Variants in TMEM240 observed in about 807,000 individuals in gnomAD.
TMEM240 encodes the protein transmembrane protein 240, also known as transmembrane protein C1orf70.
In TMEM240, 3 loss-of-function variants were observed where a neutral mutation model predicts 19.5. The observed-to-expected ratio is 0.15, with a 90% confidence interval of 0.07 to 0.40. The LOEUF (loss-of-function observed/expected upper bound fraction) is 0.40, where lower values mean the gene tolerates loss of function less well. Ranked by LOEUF, TMEM240 falls within the 10% of genes least tolerant of loss-of-function variation. The pLI is 1.00. For missense variants in TMEM240, 210 were observed against 253.5 expected, an observed-to-expected ratio of 0.83 and a Z score of 1.17; for synonymous variants, 123 against 109.3, an observed-to-expected ratio of 1.13 and a Z score of -0.78.
chr1:1,540,360 G>A lies in TMEM240; in HGVS notation c.-14C>T. 8.4e-7 allele frequency: 1 copy of A among 1,195,246 alleles called. No individual in the cohort carries two copies. Among genetic ancestry groups the A allele is most frequent in the Non-Finnish European group, 1.0e-6 (1 of 958,244 alleles). The allele number at this position is 1,195,246 out of a possible 1,614,324, so 74.0% of individuals were successfully genotyped here. On this transcript the variant is annotated 5_prime_UTR_variant, in exon 1 of 4. Coordinates refer to ENST00000378733, the MANE Select transcript of TMEM240 (RefSeq NM_001114748.2). ...GCTCATGGACATCGGGCGGGGCCGG[G>A]CCGGGCCGGAGCGCCGCCCCCCGGC...
chr1:1,539,532 C>G, intron 2 of TMEM240, 152 bp downstream of exon 2: 1 of 677,456 alleles, frequency 1.5e-6, no homozygotes, highest in East Asian at 2.8e-5. Flanking sequence ...CCCCGCCCAC[C>G]TTGAGACAGC....
chr1:1,534,906 C>T lies in TMEM240; in HGVS notation c.*453G>A, dbSNP rs897065782. 2.8e-5 allele frequency among the ~76,000 whole-genome samples: 4 copies of T among 142,678 alleles called. No homozygotes were observed. The highest frequency in any genetic ancestry group is 2.1e-4 in the South Asian group (1 of 4,674). 93.6% of individuals were successfully genotyped at this position (142,678 alleles called of 152,430 possible). On this transcript the variant is annotated 3_prime_UTR_variant, in exon 4 of 4. Transcript: ENST00000378733. Reference sequence around the variant, plus strand: ...GCACCCCACCCTGTGGCTGTGCACACGCGGGTGCTCCCCTCGCCCCCCTCC... The same window carrying T: ...GCACCCCACCCTGTGGCTGTGCACATGCGGGTGCTCCCCTCGCCCCCCTCC...
Position 1,535,200 on chromosome 1 carries a change from G to A in TMEM240, c.*159C>T. On this transcript the variant is annotated 3_prime_UTR_variant, in exon 4 of 4. Transcript: ENST00000378733. This position sits in a 1 kb window ranked among gnomAD's most constrained non-coding sequence, Gnocchi z 8.2. ...CCCAACCCCCTTTATAAAAAGAAGA[G>A]ACAGCACCTTCCACTGGACTCTCCC... 3.0e-6 allele frequency: 2 copies of A among 658,274 alleles called. No individual in the cohort carries two copies. The highest frequency in any genetic ancestry group is 4.8e-6 in the Non-Finnish European group (2 of 415,610). 40.8% of individuals were successfully genotyped at this position (658,274 alleles called of 1,614,324 possible). A position where few individuals can be genotyped will look rare whatever the true frequency, so the allele number is the denominator to read the frequency against.
rs2100696384 is a variant in TMEM240 at position 1,536,363 on chromosome 1, T to C, written c.165-566A>G. Among the ~76,000 whole-genome samples the C allele has an allele frequency of 6.6e-6, 1 of 152,266 alleles. No homozygotes were observed. The highest frequency in any genetic ancestry group is 2.1e-4 in the South Asian group (1 of 4,830). ...GCCCCTGGTGTTTCTTCTGCTCCTC[T>C]ATCCCTGGGAGGTGCTGTCGGAGGC... On this transcript the variant is annotated intron_variant, in intron 2 of 3. Coordinates refer to ENST00000378733, the MANE Select transcript of TMEM240 (RefSeq NM_001114748.2). The surrounding 1 kb of genome is among the most constrained non-coding windows in gnomAD (Gnocchi z 5.4).
At chr1:1,539,633 G>A (rs1642270568) in intron 2 of TMEM240, 51 bp downstream of exon 2, 4 of 1,494,324 alleles carry the variant, frequency 2.7e-6, no homozygotes, top group Admixed American at 3.9e-5. Flanking sequence ...AGTGGGCCCC[G>A]CCACACATGT....
At position 1,535,773 on chromosome 1, in the gene TMEM240, C is replaced by T. The variant is rs538112144; in HGVS notation, c.189G>A (p.Pro63=). Residue 63 remains proline (P), a synonymous_variant, in exon 3 of 4, where the codon CCG becomes CCA. Coordinates refer to ENST00000378733, the MANE Select transcript of TMEM240 (RefSeq NM_001114748.2). This position sits in a 1 kb window ranked among gnomAD's most constrained non-coding sequence, Gnocchi z 8.2. The stretch of plus-strand genomic sequence containing the variant: ...CCACCACCGACTGGTCCCCGTCGTA[C>T]GGGATCACGTAGTGGATATGGTGCC... The part of the protein sequence containing the change: ...CGRHHIHYVI[P]YDGDQSVVDA... 28 of 1,550,068 alleles carry T rather than the reference C, an allele frequency of 1.8e-5. No homozygotes were observed. Among genetic ancestry groups the T allele is most frequent in the Middle Eastern group, 1.7e-4 (1 of 5,990 alleles).
chr1:1,540,173 C>A, intron 1 of TMEM240, 117 bp downstream of exon 1: 1 of 418,980 alleles, frequency 2.4e-6, no homozygotes, highest in East Asian at 5.1e-5. Context: ...GGGAGGGGAG[C>A]GCAGGCCGGG....
In TMEM240 at chr1:1,540,383, G is replaced by A; in HGVS notation, c.-37C>T. On this transcript the variant is annotated 5_prime_UTR_variant, in exon 1 of 4. Transcript: ENST00000378733. ...GGGCCGGGCCGGAGCGCCGCCCCCCGGCCCCGGCGCCCCCCCGGCCCCGGC... is the reference window on the plus strand; with the variant it reads ...GGGCCGGGCCGGAGCGCCGCCCCCCAGCCCCGGCGCCCCCCCGGCCCCGGC... The A allele has an allele frequency of 1.9e-6, 2 of 1,053,142 alleles. No homozygotes were observed. Among genetic ancestry groups the A allele is most frequent in the Non-Finnish European group, 2.4e-6 (2 of 848,676 alleles). 65.2% of individuals were successfully genotyped at this position (1,053,142 alleles called of 1,614,324 possible).
At position 1,536,732 on chromosome 1, in the gene TMEM240, C is replaced by A. The variant is rs998836253; in HGVS notation, c.165-935G>T. On this transcript the variant is annotated intron_variant, in intron 2 of 3. Transcript: ENST00000378733. This position sits in a 1 kb window ranked among gnomAD's most constrained non-coding sequence, Gnocchi z 5.4. ...CATCCCAGACAGTCAACTCTGGGATCCCTAGTCCAACAGGAGGGCCTGGGA... is the reference window on the plus strand; with the variant it reads ...CATCCCAGACAGTCAACTCTGGGATACCTAGTCCAACAGGAGGGCCTGGGA... 6.6e-6 allele frequency among the ~76,000 whole-genome samples: 1 copy of A among 152,126 alleles called. No homozygotes were observed. Among genetic ancestry groups the A allele is most frequent in the African/African-American group, 2.4e-5 (1 of 41,440 alleles).
Position 1,535,834 on chromosome 1 carries a change from A to AC in TMEM240, c.165-38dup. The AC allele has an allele frequency of 2.1e-6, 3 of 1,458,252 alleles. No individual in the cohort carries two copies. The highest frequency in any genetic ancestry group is 2.8e-6 in the Non-Finnish European group (3 of 1,086,356). The allele number at this position is 1,458,252 out of a possible 1,614,324, so 90.3% of individuals were successfully genotyped here. ...AGGGCGGGCTGGCACCTCTCCCGCC[A>AC]CCCCCGGCCTGGCCTTCCCCCGGGG... On this transcript the variant is annotated intron_variant, in intron 2 of 3. Transcript: ENST00000378733. This position sits in a 1 kb window ranked among gnomAD's most constrained non-coding sequence, Gnocchi z 8.2.
In TMEM240 at chr1:1,536,828, C is replaced by CAGCT. The variant is rs1642230982; in HGVS notation, c.165-1035_165-1032dup. Reference sequence around the variant, plus strand: ...TGCCTCCCACATCTCCGCCGAGCTCCAGCTGCCTGTGTCTCCACGTGGGAT... The same window carrying CAGCT: ...TGCCTCCCACATCTCCGCCGAGCTCCAGCTAGCTGCCTGTGTCTCCACGTGGGAT... On this transcript the variant is annotated intron_variant, in intron 2 of 3. Coordinates refer to ENST00000378733, the MANE Select transcript of TMEM240 (RefSeq NM_001114748.2). This position sits in a 1 kb window ranked among gnomAD's most constrained non-coding sequence, Gnocchi z 5.4. 6.6e-6 allele frequency among the ~76,000 whole-genome samples: 1 copy of CAGCT among 152,166 alleles called. No homozygotes were observed.
intron 2 of TMEM240, among the ~76,000 whole-genome samples, chr1:1,537,117 C>G (rs967847550): frequency 2.6e-5 from 4 of 152,050 alleles, no homozygotes; most frequent in Admixed American, 2.0e-4. Flanking sequence ...TCAGTGAGAT[C>G]TGGGGGGTCC....
chr1:1,535,666 CA>C lies in TMEM240; in HGVS notation c.295del (p.Cys99AlafsTer60). The C allele has an allele frequency of 6.5e-7, 1 of 1,550,184 alleles. No individual in the cohort carries two copies. Among genetic ancestry groups the C allele is most frequent in the Non-Finnish European group, 8.7e-7 (1 of 1,146,670 alleles). Reference sequence around the variant, plus strand: ...CATCCACACCAGGAACCAGCTGATGCAAAAGCCCAGCAGCAGCCCCAGCATG... The same window carrying C: ...CATCCACACCAGGAACCAGCTGATGCAAAGCCCAGCAGCAGCCCCAGCATG... ...DLMLGLLLGF[C>X]ISWFLVWMDG... On this transcript the variant is annotated frameshift_variant, in exon 3 of 4. Coordinates refer to ENST00000378733, the MANE Select transcript of TMEM240 (RefSeq NM_001114748.2). LOFTEE classifies it high-confidence loss of function. This position sits in a 1 kb window ranked among gnomAD's most constrained non-coding sequence, Gnocchi z 8.2.
chr1:1,538,720 C>A (rs2100698295), intron 2 of TMEM240, among the ~76,000 whole-genome samples: 1 of 152,378 alleles, frequency 6.6e-6, no homozygotes, highest in East Asian at 1.9e-4. Context: ...CATCGACACG[C>A]CTGCTGCACC....
At chr1:1,537,874 G>T (rs1642247162) in intron 2 of TMEM240, among the ~76,000 whole-genome samples, 1 of 152,200 alleles carries the variant, frequency 6.6e-6, no homozygotes, top group Admixed American at 6.5e-5. Flanking sequence ...TGCATGGACG[G>T]ATGTCTAGTT....
At chr1:1,537,986 C>T (rs1046237528) in intron 2 of TMEM240, among the ~76,000 whole-genome samples, 2 of 152,204 alleles carry the variant, frequency 1.3e-5, no homozygotes, top group African/African-American at 4.8e-5. Context: ...CATGTACACA[C>T]ACTCGTTCTG....
rs547875700 is a variant in TMEM240 at position 1,536,545 on chromosome 1, G to A, written c.165-748C>T. Reference sequence around the variant, plus strand: ...GTGCCTGCGCGCCTCCATGTCCCTCGGCCTCCCCTCCCCGGGCTCTTGGGG... The same window carrying A: ...GTGCCTGCGCGCCTCCATGTCCCTCAGCCTCCCCTCCCCGGGCTCTTGGGG... On this transcript the variant is annotated intron_variant, in intron 2 of 3. Transcript: ENST00000378733. This position sits in a 1 kb window ranked among gnomAD's most constrained non-coding sequence, Gnocchi z 5.4. Among the ~76,000 whole-genome samples the A allele has an allele frequency of 1.1e-4, 16 of 152,246 alleles. No homozygotes were observed. The highest frequency in any genetic ancestry group is 3.4e-4 in the African/African-American group (14 of 41,548).
At chr1:1,539,363 C>G (rs1426512457) in intron 2 of TMEM240, 1 of 372,484 alleles carries the variant, frequency 2.7e-6, no homozygotes. Flanking sequence ...GCTTCCTGCC[C>G]CAGCCCTGAT....
chr1:1,540,363 G>A lies in TMEM240; in HGVS notation c.-17C>T. 8.5e-7 allele frequency: 1 copy of A among 1,180,612 alleles called. No homozygotes were observed. The highest frequency in any genetic ancestry group is 1.1e-6 in the Non-Finnish European group (1 of 948,432). The allele number at this position is 1,180,612 out of a possible 1,614,324, so 73.1% of individuals were successfully genotyped here. On this transcript the variant is annotated 5_prime_UTR_variant, in exon 1 of 4. Transcript: ENST00000378733. ...CATGGACATCGGGCGGGGCCGGGCC[G>A]GGCCGGAGCGCCGCCCCCCGGCCCC... is the stretch of plus-strand genomic sequence containing the variant.
Sources: gnomAD v4.1 joint callset for allele counts (sites outside exome capture counted in the v4.1 genomes callset) on GRCh38, gnomAD v4.1.1 for gene constraint, Gnocchi (gnomAD v3.1) non-coding constraint, MANE v1.5 for transcripts, NCBI Gene and HGNC (gene_info 2026-07-23, HGNC 2026-07-21) for gene names.